GRM5: variants seen among roughly 807,000 people sequenced by gnomAD.
The protein encoded by GRM5 is metabotropic glutamate receptor 5.
A neutral mutation model predicts 83.1 loss-of-function variants in GRM5; 19 were observed. The ratio of observed to expected loss-of-function variants is 0.23; its 90% confidence interval spans 0.16 to 0.34. GRM5 has a LOEUF of 0.34. GRM5 is among the 10% of genes least tolerant of loss of function. The pLI, the probability that GRM5 is intolerant of heterozygous loss-of-function variation, is 1.00. For synonymous variants in GRM5, 675 were observed against 633.6 expected (o/e 1.07, Z -0.98); for missense variants, 1,160 against 1,588.3 (o/e 0.73, Z 4.58).
At chr11:88,964,282 C>T (rs2134990852) in intron 2 of GRM5, among the ~76,000 whole-genome samples, 2 of 152,134 alleles carry the variant, frequency 1.3e-5, no homozygotes, top group South Asian at 4.1e-4. Context: ...TGTTACCTTC[C>T]CATCCAAACA....
chr11:88,887,263 G>A (rs560620136), intron 2 of GRM5, among the ~76,000 whole-genome samples: 10 of 152,284 alleles, frequency 6.6e-5, no homozygotes, highest in Middle Eastern at 6.8e-3. Flanking sequence ...AATTAGAATG[G>A]TACTTAATTA....
intron 3 of GRM5, among the ~76,000 whole-genome samples, chr11:88,753,596 CATTAT>C (rs1942329886): frequency 6.6e-6 from 1 of 152,002 alleles, no homozygotes; most frequent in African/African-American, 2.4e-5. Flanking sequence ...GAATATAAAC[CATTAT>C]ATTATAAAGA....
At chr11:88,797,190 C>T (rs1590863761) in intron 3 of GRM5, among the ~76,000 whole-genome samples, 1 of 152,028 alleles carries the variant, frequency 6.6e-6, no homozygotes, top group Non-Finnish European at 1.5e-5. Flanking sequence ...TGCTCTGTCA[C>T]CCAGGCTGGA....
At chr11:88,510,474 T>G (rs941149204) in intron 9 of GRM5, among the ~76,000 whole-genome samples, 11 of 152,092 alleles carry the variant, frequency 7.2e-5, no homozygotes, top group Admixed American at 7.2e-4. Flanking sequence ...TTTCAGAAAC[T>G]TTACAAAGGT....
rs895569696 is a variant in GRM5 at position 88,505,434 on chromosome 11, C to T, written c.*3158G>A. ...TTTACAGTCAGAAATAGCTCCTAGT[C>T]TTCCTGATCACTTGCTGGTAACAGC... On this transcript the variant is annotated 3_prime_UTR_variant, in exon 10 of 10. Transcript: ENST00000305447. The T allele has an allele frequency of 2.0e-5, 3 of 152,266 alleles. No homozygotes were observed. Among genetic ancestry groups the T allele is most frequent in the African/African-American group, 7.2e-5 (3 of 41,474 alleles). The allele number at this position is 152,266 out of a possible 1,614,324, so 9.4% of individuals were successfully genotyped here.
rs113225078 is a variant in GRM5 at position 88,718,786 on chromosome 11, A to G, written c.912-65383T>C. ...ATGTGAGTGAAAGCACAGAGTCTAAATCACCTTTATAGACTAAAGGCTTAA... is the reference window on the plus strand; with the variant it reads ...ATGTGAGTGAAAGCACAGAGTCTAAGTCACCTTTATAGACTAAAGGCTTAA... On this transcript the variant is annotated intron_variant, in intron 3 of 9. Coordinates refer to ENST00000305447, the MANE Select transcript of GRM5 (RefSeq NM_001143831.3). Among the ~76,000 whole-genome samples, 144 of 152,110 alleles carry G rather than the reference A, an allele frequency of 9.5e-4. 1 individual carries two copies. Among genetic ancestry groups the G allele is most frequent in the African/African-American group, 2.6e-3 (109 of 41,562 alleles).
At chr11:88,893,738 C>G (rs758688980) in intron 2 of GRM5, among the ~76,000 whole-genome samples, 2 of 151,948 alleles carry the variant, frequency 1.3e-5, no homozygotes, top group African/African-American at 4.8e-5. Flanking sequence ...CTTCCAGGAA[C>G]CCTTAGATCG....
intron 1 of GRM5, among the ~76,000 whole-genome samples, chr11:89,057,440 C>A (rs1291327798): frequency 1.3e-5 from 2 of 152,004 alleles, no homozygotes; most frequent in East Asian, 3.9e-4. Context: ...TAACTGAAAC[C>A]CCCTCAACAA....
Position 89,047,999 on chromosome 11 carries a change from G to A in GRM5, c.-127C>T, listed in dbSNP as rs911061216. On this transcript the variant is annotated 5_prime_UTR_variant, in exon 2 of 10. Transcript: ENST00000305447. This position sits in a 1 kb window ranked among gnomAD's most constrained non-coding sequence, Gnocchi z 5.1. ...CAAGAAATTAGCCAGCAATTCAGAT[G>A]TATTTTCTAAAGGACCATTTTGTCC... 1.0e-5 allele frequency: 7 copies of A among 676,212 alleles called. No homozygotes were observed. In the African/African-American group the frequency reaches 1.3e-4, roughly 12 times the overall value. 41.9% of individuals were successfully genotyped at this position (676,212 alleles called of 1,614,324 possible).
At chr11:88,659,803 G>A (rs1386719204) in intron 3 of GRM5, among the ~76,000 whole-genome samples, 1 of 152,168 alleles carries the variant, frequency 6.6e-6, no homozygotes, top group African/African-American at 2.4e-5. Context: ...AAGGATTATG[G>A]AATGTTAGGG....
At chr11:88,909,004 A>C (rs959423336) in intron 2 of GRM5, among the ~76,000 whole-genome samples, 1 of 152,124 alleles carries the variant, frequency 6.6e-6, no homozygotes, top group African/African-American at 2.4e-5. Flanking sequence ...TAGTGGTAAG[A>C]CTTGGACTTT....
At chr11:89,005,790 C>T (rs1390997028) in intron 2 of GRM5, among the ~76,000 whole-genome samples, 1 of 152,064 alleles carries the variant, frequency 6.6e-6, no homozygotes, top group Non-Finnish European at 1.5e-5. Context: ...TGTTTGAGGG[C>T]TTGATTTAAA....
intron 3 of GRM5, among the ~76,000 whole-genome samples, chr11:88,778,060 G>A (rs1273939713): frequency 6.6e-6 from 1 of 152,102 alleles, no homozygotes; most frequent in Non-Finnish European, 1.5e-5. Flanking sequence ...CCTGCCCACC[G>A]AGATGGAGTC....
At chr11:88,635,739 C>A (rs58210165) in intron 4 of GRM5, among the ~76,000 whole-genome samples, 3 of 151,970 alleles carry the variant, frequency 2.0e-5, no homozygotes, top group Non-Finnish European at 2.9e-5. Flanking sequence ...TGGGGTCATA[C>A]CCCCCAAAAA....
At chr11:88,848,171 T>C (rs643304) in intron 3 of GRM5, among the ~76,000 whole-genome samples, 115,778 of 152,070 alleles carry the variant, frequency 0.76, 44,877 homozygotes, top group East Asian at 0.99. Flanking sequence ...TTGGCATGTT[T>C]GTGGGTTGTA....
chr11:88,552,680 AAGG>A (rs1332488378), intron 8 of GRM5, among the ~76,000 whole-genome samples: 1 of 152,092 alleles, frequency 6.6e-6, no homozygotes, highest in Non-Finnish European at 1.5e-5. Flanking sequence ...GGGAGAAGAA[AAGG>A]AGGAGGAAAA....
intron 3 of GRM5, among the ~76,000 whole-genome samples, chr11:88,762,153 A>G (rs1330671216): frequency 6.6e-6 from 1 of 152,152 alleles, no homozygotes; most frequent in Non-Finnish European, 1.5e-5. Flanking sequence ...CAAAGACACC[A>G]GAAGCAATTG....
intron 7 of GRM5, among the ~76,000 whole-genome samples, chr11:88,568,852 C>A (rs1942925839): frequency 1.3e-5 from 2 of 152,060 alleles, no homozygotes; most frequent in African/African-American, 2.4e-5. Context: ...GGAGGAAGTT[C>A]ATTTTTATAA....
At chr11:88,719,135 G>A (rs1397864824) in intron 3 of GRM5, among the ~76,000 whole-genome samples, 1 of 151,502 alleles carries the variant, frequency 6.6e-6, no homozygotes, top group Non-Finnish European at 1.5e-5. Context: ...TGTGTCGTGG[G>A]GATTTGTTGT....
Sources: gnomAD v4.1 joint callset for allele counts (sites outside exome capture counted in the v4.1 genomes callset) on GRCh38, gnomAD v4.1.1 for gene constraint, Gnocchi (gnomAD v3.1) non-coding constraint, MANE v1.5 for transcripts, NCBI Gene and HGNC (gene_info 2026-07-23, HGNC 2026-07-21) for gene names.